ZNF398: variants seen among roughly 807,000 people sequenced by gnomAD.
The protein encoded by ZNF398 is zinc finger DNA binding protein ZER6.
In ZNF398, 18 loss-of-function variants were observed where a neutral mutation model predicts 41.9. The observed-to-expected ratio is 0.43, with a 90% CI of 0.30 to 0.64. The LOEUF is 0.64. ZNF398 is among the 30% of genes least tolerant of loss of function. The pLI is 0.14. For synonymous variants in ZNF398, 260 were observed against 308.8 expected, an observed-to-expected ratio of 0.84 and a Z score of 1.66; for missense variants, 669 against 822.8, an observed-to-expected ratio of 0.81 and a Z score of 2.29.
chr7:149,179,859 G>A lies in ZNF398; in HGVS notation c.*58G>A. On this transcript the variant is annotated 3_prime_UTR_variant, in exon 6 of 6. Coordinates refer to ENST00000475153, the MANE Select transcript of ZNF398 (RefSeq NM_170686.3). The surrounding 1 kb of genome is among the most constrained non-coding windows in gnomAD (Gnocchi z 6.1). Reference sequence around the variant, plus strand: ...GCTCACAGCAGGGCACAAAATCCAAGAGAAGGTCTGTGAGCCCCATCCAAC... The same window carrying A: ...GCTCACAGCAGGGCACAAAATCCAAAAGAAGGTCTGTGAGCCCCATCCAAC... The A allele has an allele frequency of 6.8e-7, 1 of 1,472,292 alleles. No homozygotes were observed. The highest frequency in any genetic ancestry group is 9.1e-7 in the Non-Finnish European group (1 of 1,099,288). 91.2% of individuals were successfully genotyped at this position (1,472,292 alleles called of 1,614,324 possible).
intron 1 of ZNF398, among the ~76,000 whole-genome samples, chr7:149,128,276 T>G (rs931446599): frequency 2.0e-5 from 3 of 152,102 alleles, no homozygotes; most frequent in African/African-American, 7.2e-5. Context: ...AAGCGGTGCT[T>G]ACAGGTCACA....
chr7:149,168,801 C>T (rs554459057), intron 4 of ZNF398, among the ~76,000 whole-genome samples: 6 of 151,620 alleles, frequency 4.0e-5, no homozygotes, highest in South Asian at 2.1e-4. Context: ...GTGATCCACC[C>T]GCCTTGGCTT....
At chr7:149,146,427 TA>T (rs1826944331), upstream of ZNF398, among the ~76,000 whole-genome samples, 1 of 152,102 alleles carries the variant, frequency 6.6e-6, no homozygotes, top group Non-Finnish European at 1.5e-5. Context: ...GCTGCGCCTG[TA>T]GTCCAAGATG....
intron 1 of ZNF398, among the ~76,000 whole-genome samples, chr7:149,126,848 G>A (rs1826490574): frequency 6.6e-6 from 1 of 152,176 alleles, no homozygotes; most frequent in Admixed American, 6.5e-5. Context: ...TCGGGGACGC[G>A]GAGGAGGGGT....
In ZNF398 at chr7:149,147,507, G is replaced by C. The variant is rs1199087376; in HGVS notation, c.-236G>C. 1.9e-5 allele frequency: 6 copies of C among 323,560 alleles called. No homozygotes were observed. The highest frequency in any genetic ancestry group is 5.2e-5 in the East Asian group (1 of 19,158). The allele number at this position is 323,560 out of a possible 1,614,324, so 20.0% of individuals were successfully genotyped here. On this transcript the variant is annotated 5_prime_UTR_variant, in exon 1 of 6. Coordinates refer to ENST00000475153, the MANE Select transcript of ZNF398 (RefSeq NM_170686.3). This position sits in a 1 kb window ranked among gnomAD's most constrained non-coding sequence, Gnocchi z 5.6. ...GGGGCCGCTGCGGGTGGAGTGCGGC[G>C]GAGTCGGCCTCGCGACCCCAGCTTG...
intron 1 of ZNF398, chr7:149,151,062 TGAA>T (rs1020559203): frequency 1.0e-5 from 2 of 198,900 alleles, no homozygotes; most frequent in African/African-American, 4.6e-5. Context: ...TACTAAAAGC[TGAA>T]GGACTGTGCT....
Position 149,166,908 on chromosome 7 carries a change from G to A in ZNF398, c.639G>A (p.Glu213=). 7 of 1,611,866 alleles carry A rather than the reference G, an allele frequency of 4.3e-6. No homozygotes were observed. The highest frequency in any genetic ancestry group is 5.9e-6 in the Non-Finnish European group (7 of 1,178,498). ...TEDQAGPEES[E]IPTDPSEEPG... ...ACCAGGCAGGGCCAGAGGAAAGTGA[G>A]ATTCCCACAGACCCCAGTGAAGGTA... Residue 213 remains glutamate, a synonymous_variant, in exon 4 of 6, where the codon GAG becomes GAA. Transcript: ENST00000475153.
chr7:149,176,489 A>T lies in ZNF398; in HGVS notation c.683A>T (p.Asp228Val). 1 of 1,613,968 alleles carries T rather than the reference A, an allele frequency of 6.2e-7. No homozygotes were observed. The highest frequency in any genetic ancestry group is 1.1e-5 in the South Asian group (1 of 91,062). ...PSEEPGISTS[D>V]ILSWIKQEEE... ...TTAGAGCCTGGTATTTCAACATCAGATATTCTGTCTTGGATTAAACAAGAA... is the reference window on the plus strand; with the variant it reads ...TTAGAGCCTGGTATTTCAACATCAGTTATTCTGTCTTGGATTAAACAAGAA... The change falls in exon 5 of 6, where the codon GAT becomes GTT. Residue 228 changes from aspartate (D) to valine (V), a missense_variant. This residue lies in a region of ZNF398 where 290 missense variants were observed against 292.9 expected (regional missense o/e 0.99). Coordinates refer to ENST00000475153, the MANE Select transcript of ZNF398 (RefSeq NM_170686.3).
chr7:149,169,589 C>CCT (rs796304849), intron 4 of ZNF398, among the ~76,000 whole-genome samples: 24 of 152,176 alleles, frequency 1.6e-4, no homozygotes, highest in African/African-American at 5.8e-4. Context: ...GTAGCTGGGA[C>CCT]TACAGGCACA....
At chr7:149,135,023 T>G (rs1054400537) in intron 2 of ZNF398, among the ~76,000 whole-genome samples, 10 of 152,152 alleles carry the variant, frequency 6.6e-5, no homozygotes, top group African/African-American at 2.4e-4. Context: ...ACCTCATTTA[T>G]TATGTTAAAG....
chr7:149,169,862 T>C (rs1231582556), intron 4 of ZNF398, among the ~76,000 whole-genome samples: 1 of 152,112 alleles, frequency 6.6e-6, no homozygotes, highest in African/African-American at 2.4e-5. Flanking sequence ...TCCCATATGG[T>C]TGTACTCACA....
chr7:149,133,687 ATGTGTG>A (rs56758859), intron 2 of ZNF398, among the ~76,000 whole-genome samples: 15,286 of 56,682 alleles, frequency 0.27, 2,235 homozygotes, highest in East Asian at 0.45. Flanking sequence ...ATACATATAT[ATGTGTG>A]TATATATATA....
chr7:149,167,990 C>T (rs1363315122), intron 4 of ZNF398, among the ~76,000 whole-genome samples: 1 of 152,052 alleles, frequency 6.6e-6, no homozygotes, highest in Non-Finnish European at 1.5e-5. Context: ...GGATATCCAG[C>T]GCCTAAATTC....
chr7:149,156,827 C>G (rs1469259462), intron 2 of ZNF398, among the ~76,000 whole-genome samples: 3 of 149,072 alleles, frequency 2.0e-5, no homozygotes, highest in African/African-American at 7.4e-5. Flanking sequence ...TACCACTGAA[C>G]TCCAGCCTGG....
At chr7:149,151,241 A>G (rs1193688924) in intron 1 of ZNF398, 2 of 1,237,390 alleles carry the variant, frequency 1.6e-6, no homozygotes, top group Non-Finnish European at 2.1e-6. Flanking sequence ...GAATGGAGAA[A>G]GAATGATTGG....
chr7:149,178,770 A>G lies in ZNF398; in HGVS notation c.898A>G (p.Ser300Gly), dbSNP rs1563167534. The change falls in exon 6 of 6, where the codon AGC becomes GGC. Residue 300 changes from serine (S) to glycine (G), a missense_variant. This residue lies in a region of ZNF398 where 290 missense variants were observed against 292.9 expected (regional missense o/e 0.99). Coordinates refer to ENST00000475153, the MANE Select transcript of ZNF398 (RefSeq NM_170686.3). Reference sequence around the variant, plus strand: ...TGCTTTTTCAGATGTGGCTTTCAAAAGCCAGCAGTCTACATCCATGACACC... The same window carrying G: ...TGCTTTTTCAGATGTGGCTTTCAAAGGCCAGCAGTCTACATCCATGACACC... ...KDAFSDVAFK[S>G]QQSTSMTPFG... 6.2e-7 allele frequency: 1 copy of G among 1,614,172 alleles called. No homozygotes were observed.
chr7:149,135,082 T>C (rs996628565), intron 2 of ZNF398, among the ~76,000 whole-genome samples: 1 of 152,176 alleles, frequency 6.6e-6, no homozygotes, highest in African/African-American at 2.4e-5. Flanking sequence ...CAAAGCCTAG[T>C]TGAAGAAGGC....
In ZNF398 at chr7:149,140,982, G is replaced by A. The variant is rs188096587; in HGVS notation, c.-490+12038G>A. Among the ~76,000 whole-genome samples, 591 of 150,520 alleles carry A rather than the reference G, an allele frequency of 3.9e-3. 3 individuals carry two copies. Among genetic ancestry groups the A allele is most frequent in the African/African-American group, 0.013 (547 of 40,722 alleles). On this transcript the variant is annotated intron_variant, in intron 2 of 6. Transcript: ENST00000426851. ...TTAAGCCAAGGAGGTCAAGGCTGCA[G>A]TGAGTCATGCTTGTGCCACTGCACT...
At chr7:149,151,370 G>A (rs1473228457) in intron 1 of ZNF398, 17 of 574,294 alleles carry the variant, frequency 3.0e-5, no homozygotes, top group Admixed American at 2.0e-4. Context: ...GCAGATACCA[G>A]GAGCAAATGG....
Sources: allele counts gnomAD v4.1 joint callset (sites outside exome capture counted in the v4.1 genomes callset), GRCh38; gene constraint gnomAD v4.1.1; regional missense constraint gnomAD v4.1.1; non-coding constraint Gnocchi (gnomAD v3.1); transcripts MANE v1.5; gene names NCBI Gene and HGNC (gene_info 2026-07-23, HGNC 2026-07-21).